SWT1: variants seen among roughly 807,000 people sequenced by gnomAD.
The protein encoded by SWT1 is SWT1 RNA endoribonuclease homolog.
SWT1 carries 33 observed loss-of-function variants against 107.3 expected under a neutral mutation model. That is an observed-to-expected ratio of 0.31 (90% CI 0.23 to 0.41). The LOEUF is 0.41. SWT1 is among the 10% of genes least tolerant of loss of function. The probability of loss-of-function intolerance (pLI) is 1.00; values close to 1 mark genes in which losing one functional copy is unlikely to be tolerated. For synonymous variants in SWT1, 345 were observed against 348.3 expected, an observed-to-expected ratio of 0.99 and a Z score of 0.11; for missense variants, 898 against 1,028.9, an observed-to-expected ratio of 0.87 and a Z score of 1.74.
intron 6 of SWT1, 102 bp from the exon 7 acceptor site, chr1:185,181,844 C>CA: frequency 7.7e-7 from 1 of 1,293,968 alleles, no homozygotes; most frequent in Non-Finnish European, 1.1e-6. Context: ...TTTTTCTTTC[C>CA]ATAAACCATC....
chr1:185,181,590 A>G (rs1656023320), intron 6 of SWT1, among the ~76,000 whole-genome samples: 1 of 152,230 alleles, frequency 6.6e-6, no homozygotes, highest in Admixed American at 6.5e-5. Flanking sequence ...ACTTACTTTA[A>G]TGTCTAGGTA....
chr1:185,157,063 C>T, upstream of SWT1: 1 of 287,352 alleles, frequency 3.5e-6, no homozygotes, highest in South Asian at 4.1e-5. Context: ...CCAAACCGAA[C>T]AAAGACTACA....
chr1:185,174,405 A>G lies in SWT1; in HGVS notation c.258A>G (p.Arg86=). 1 of 1,580,672 alleles carries G rather than the reference A, an allele frequency of 6.3e-7. No individual in the cohort carries two copies. The highest frequency in any genetic ancestry group is 8.6e-7 in the Non-Finnish European group (1 of 1,168,704). Residue 86 remains arginine (R), a synonymous_variant, in exon 5 of 19, where the codon AGA becomes AGG. Transcript: ENST00000367500. ...TAGAAATTGACACTCTCAGAAGGAG[A>G]CCAAAAATCGGTTCTTCATCCCAAA... is the stretch of plus-strand genomic sequence containing the variant. ...LSVEIDTLRR[R]PKIGSSSQRP... is the part of the protein sequence containing the mutation.
intron 5 of SWT1, among the ~76,000 whole-genome samples, chr1:185,179,047 G>C (rs1334756710): frequency 6.6e-6 from 1 of 152,172 alleles, no homozygotes; most frequent in East Asian, 1.9e-4. Flanking sequence ...GAGGTGGGCA[G>C]ATCACTTGGG....
chr1:185,201,119 C>T (rs1657840005), intron 10 of SWT1, among the ~76,000 whole-genome samples: 1 of 152,078 alleles, frequency 6.6e-6, no homozygotes, highest in Admixed American at 6.5e-5. Flanking sequence ...TTCCAGCATC[C>T]TAGGTTGACT....
At chr1:185,169,780 AT>A (rs565570740) in intron 4 of SWT1, among the ~76,000 whole-genome samples, 1,560 of 143,340 alleles carry the variant, frequency 0.011, 37 homozygotes, top group East Asian at 0.096. Context: ...CCCAGGATTA[AT>A]TTTTTTTTTT....
chr1:185,275,374 G>A (rs1165243587), intron 17 of SWT1, among the ~76,000 whole-genome samples: 1 of 150,260 alleles, frequency 6.7e-6, no homozygotes, highest in Non-Finnish European at 1.5e-5. Flanking sequence ...ATTTTTAGAA[G>A]ATTCTCTTAA....
chr1:185,163,078 G>T (rs760142061), intron 2 of SWT1, among the ~76,000 whole-genome samples: 6 of 152,088 alleles, frequency 3.9e-5, no homozygotes, highest in Non-Finnish European at 5.9e-5. Context: ...GATGTTGATG[G>T]CTTGCTAACT....
chr1:185,269,014 G>A (rs1281575107), intron 16 of SWT1, among the ~76,000 whole-genome samples: 1 of 151,852 alleles, frequency 6.6e-6, no homozygotes, highest in African/African-American at 2.4e-5. Context: ...CACTACGCCC[G>A]GCTAATTTTT....
intron 16 of SWT1, among the ~76,000 whole-genome samples, chr1:185,240,754 A>G (rs1174829254): frequency 6.6e-6 from 1 of 152,122 alleles, no homozygotes; most frequent in African/African-American, 2.4e-5. Flanking sequence ...AATACTTTAG[A>G]CAGCTATTTT....
chr1:185,238,561 G>A (rs1661054093), intron 16 of SWT1, among the ~76,000 whole-genome samples: 1 of 152,114 alleles, frequency 6.6e-6, no homozygotes, highest in Non-Finnish European at 1.5e-5. Context: ...TTGTATGCAG[G>A]TGGTGAGAGA....
intron 1 of SWT1, among the ~76,000 whole-genome samples, chr1:185,158,805 T>C (rs1653883112): frequency 6.6e-6 from 1 of 152,196 alleles, no homozygotes; most frequent in African/African-American, 2.4e-5. Flanking sequence ...AAAACAACAG[T>C]AAACATTTAT....
intron 18 of SWT1, among the ~76,000 whole-genome samples, chr1:185,289,054 G>A (rs1665106716): frequency 6.6e-6 from 1 of 152,170 alleles, no homozygotes; most frequent in Admixed American, 6.5e-5. Context: ...CCCCTCTCAA[G>A]TATCTGTTCC....
chr1:185,188,652 A>C (rs1656695459), intron 9 of SWT1, among the ~76,000 whole-genome samples: 1 of 152,244 alleles, frequency 6.6e-6, no homozygotes. Context: ...TATTTATTGC[A>C]TGAACGAATG....
At chr1:185,247,718 G>C (rs970431171) in intron 16 of SWT1, among the ~76,000 whole-genome samples, 2 of 152,178 alleles carry the variant, frequency 1.3e-5, no homozygotes, top group Non-Finnish European at 2.9e-5. Context: ...CTTTGCTTCA[G>C]TATGTATGGC....
intron 16 of SWT1, among the ~76,000 whole-genome samples, chr1:185,268,422 A>T (rs1244156250): frequency 6.6e-6 from 1 of 152,172 alleles, no homozygotes; most frequent in East Asian, 1.9e-4. Context: ...GACAAGAATG[A>T]TATATTTTTC....
rs1455216375 is a variant in SWT1 at position 185,180,455 on chromosome 1, T to C, written c.1026+5T>C. 9.4e-6 allele frequency: 15 copies of C among 1,601,492 alleles called. No homozygotes were observed. Among genetic ancestry groups the C allele is most frequent in the Non-Finnish European group, 1.2e-5 (14 of 1,168,634 alleles). ...ATCCAGGATGCAGATCAAGAGGTTA[T>C]TGATATTCTTGTTTACTTTGATATT... On this transcript the variant is annotated splice_donor_5th_base_variant and intron_variant, in intron 6 of 18. Coordinates refer to ENST00000367500, the MANE Select transcript of SWT1 (RefSeq NM_017673.7).
At chr1:185,242,302 G>A (rs1336976343) in intron 16 of SWT1, among the ~76,000 whole-genome samples, 1 of 152,090 alleles carries the variant, frequency 6.6e-6, no homozygotes, top group Non-Finnish European at 1.5e-5. Flanking sequence ...TCACGTATCA[G>A]TCGGACTGAA....
At chr1:185,169,780 ATT>A (rs565570740) in intron 4 of SWT1, among the ~76,000 whole-genome samples, 6 of 143,838 alleles carry the variant, frequency 4.2e-5, no homozygotes, top group African/African-American at 7.6e-5. Context: ...CCCAGGATTA[ATT>A]TTTTTTTTTT....
Sources: gnomAD v4.1 joint callset for allele counts (sites outside exome capture counted in the v4.1 genomes callset) on GRCh38, gnomAD v4.1.1 for gene constraint, MANE v1.5 for transcripts, NCBI Gene and HGNC (gene_info 2026-07-23, HGNC 2026-07-21) for gene names.